Variants in VAV3 observed in about 807,000 individuals in gnomAD.
The protein encoded by VAV3 is guanine nucleotide exchange factor VAV3.
In VAV3, 94 loss-of-function variants were observed where a neutral mutation model predicts 131.2. The ratio of observed to expected loss-of-function variants is 0.72; its 90% CI spans 0.61 to 0.85. VAV3 has a LOEUF of 0.85. Ranked by LOEUF, VAV3 falls within the 40% of genes least tolerant of loss-of-function variation. The pLI is 0.00. For missense variants in VAV3, 939 were observed against 1,002.7 expected, an observed-to-expected ratio of 0.94 and a Z score of 0.86; for synonymous variants, 349 against 342.0, an observed-to-expected ratio of 1.02 and a Z score of -0.22.
At chr1:107,862,758 G>A (rs1320328472) in intron 2 of VAV3, 2 of 147,598 alleles carry the variant, frequency 1.4e-5, no homozygotes, top group Non-Finnish European at 3.1e-5. Context: ...ACTAAGGCTA[G>A]GAATTAGAAT....
At chr1:107,581,047 T>C (rs900058811) in intron 25 of VAV3, among the ~76,000 whole-genome samples, 2 of 152,192 alleles carry the variant, frequency 1.3e-5, no homozygotes, top group Non-Finnish European at 2.9e-5. Context: ...CTTCATTCAC[T>C]GCCTAACATT....
chr1:107,705,868 A>G (rs570791060), intron 15 of VAV3, among the ~76,000 whole-genome samples: 5 of 152,164 alleles, frequency 3.3e-5, no homozygotes, highest in African/African-American at 4.8e-5. Flanking sequence ...ATGATTGGGA[A>G]CTCTAACTCA....
chr1:107,848,207 G>T (rs1669056310), intron 2 of VAV3, among the ~76,000 whole-genome samples: 1 of 151,916 alleles, frequency 6.6e-6, no homozygotes. Flanking sequence ...CAGCTAATTG[G>T]GAGGCTTAGG....
At chr1:107,960,849 T>G (rs1287126194) in intron 1 of VAV3, among the ~76,000 whole-genome samples, 2 of 152,130 alleles carry the variant, frequency 1.3e-5, no homozygotes, top group African/African-American at 4.8e-5. Context: ...TCTATAAAAT[T>G]GTATTACATT....
chr1:107,645,979 C>G (rs143609531), intron 19 of VAV3, among the ~76,000 whole-genome samples: 155 of 152,102 alleles, frequency 1.0e-3, no homozygotes, highest in African/African-American at 3.6e-3. Flanking sequence ...AAAATCTCTA[C>G]GTAACTTCTC....
At chr1:107,825,249 G>C (rs1198801256) in intron 2 of VAV3, among the ~76,000 whole-genome samples, 2 of 152,102 alleles carry the variant, frequency 1.3e-5, no homozygotes, top group Non-Finnish European at 2.9e-5. Context: ...CATACAGATA[G>C]GTTGGTCTAA....
At chr1:107,925,881 T>C (rs374713974) in intron 1 of VAV3, among the ~76,000 whole-genome samples, 1 of 116,122 alleles carries the variant, frequency 8.6e-6, no homozygotes. Flanking sequence ...ATGTCACATA[T>C]AAATATATAA....
chr1:107,799,388 G>A (rs570834235), intron 2 of VAV3, among the ~76,000 whole-genome samples: 1 of 150,176 alleles, frequency 6.7e-6, no homozygotes, highest in South Asian at 2.1e-4. Context: ...CATAACTTAC[G>A]AAGTTCCCCA....
intron 15 of VAV3, among the ~76,000 whole-genome samples, chr1:107,746,632 C>T (rs1663362834): frequency 6.6e-6 from 1 of 152,182 alleles, no homozygotes; most frequent in Non-Finnish European, 1.5e-5. Flanking sequence ...CAGGAAGAAT[C>T]CTACCTAGAA....
intron 1 of VAV3, among the ~76,000 whole-genome samples, chr1:107,961,873 A>AT (rs1217503880): frequency 6.6e-6 from 1 of 152,186 alleles, no homozygotes; most frequent in East Asian, 1.9e-4. Flanking sequence ...GCAGTTATTT[A>AT]TTTTTTTAAA....
chr1:107,581,988 C>T (rs1390104329), intron 25 of VAV3, among the ~76,000 whole-genome samples: 1 of 152,196 alleles, frequency 6.6e-6, no homozygotes, highest in African/African-American at 2.4e-5. Flanking sequence ...CATTCCTTAA[C>T]ACTCAGTTTT....
chr1:107,835,838 C>A (rs921338911), intron 2 of VAV3, among the ~76,000 whole-genome samples: 3 of 152,148 alleles, frequency 2.0e-5, no homozygotes, highest in Admixed American at 6.5e-5. Context: ...ACTCCACAAC[C>A]CATTCTGACT....
At chr1:107,627,078 AAAG>A (rs1354335597) in intron 20 of VAV3, among the ~76,000 whole-genome samples, 1 of 152,168 alleles carries the variant, frequency 6.6e-6, no homozygotes, top group East Asian at 1.9e-4. Context: ...TGCTGGAGGG[AAAG>A]ATCTACTAAC....
chr1:107,802,390 G>A (rs1666868515), intron 2 of VAV3, among the ~76,000 whole-genome samples: 1 of 151,880 alleles, frequency 6.6e-6, no homozygotes, highest in South Asian at 2.1e-4. Context: ...CCAGTATTAT[G>A]TTGAATAAAA....
intron 6 of VAV3, among the ~76,000 whole-genome samples, chr1:107,769,251 A>G (rs967301684): frequency 6.6e-6 from 1 of 152,056 alleles, no homozygotes; most frequent in African/African-American, 2.4e-5. Context: ...CTCTTCTTCC[A>G]TTGTGCTTTT....
At chr1:107,753,507 T>TAC (rs1243081206) in intron 12 of VAV3, among the ~76,000 whole-genome samples, 16 of 66,320 alleles carry the variant, frequency 2.4e-4, no homozygotes, top group African/African-American at 7.3e-4. Context: ...CACATATATA[T>TAC]ACACACATAT....
intron 24 of VAV3, among the ~76,000 whole-genome samples, chr1:107,597,848 C>T (rs1215144118): frequency 2.0e-5 from 3 of 152,132 alleles, no homozygotes; most frequent in Non-Finnish European, 2.9e-5. Flanking sequence ...AAAACTGTAA[C>T]AGCTACCCCA....
chr1:107,771,575 G>C (rs1665050498), intron 5 of VAV3, among the ~76,000 whole-genome samples: 1 of 152,138 alleles, frequency 6.6e-6, no homozygotes, highest in African/African-American at 2.4e-5. Flanking sequence ...TTCTAACTGT[G>C]AATGAATCAC....
chr1:107,785,012 T>C (rs1665903559), intron 2 of VAV3, among the ~76,000 whole-genome samples: 2 of 152,256 alleles, frequency 1.3e-5, no homozygotes, highest in Non-Finnish European at 2.9e-5. Context: ...TTTAGCTCTT[T>C]ATTTTTTTCA....
Sources: allele counts gnomAD v4.1 joint callset (sites outside exome capture counted in the v4.1 genomes callset), GRCh38; gene constraint gnomAD v4.1.1; transcripts MANE v1.5; gene names NCBI Gene and HGNC (gene_info 2026-07-23, HGNC 2026-07-21).